PCDH15: variants seen among roughly 807,000 people sequenced by gnomAD.
PCDH15 encodes the protein protocadherin related 15, also known as protocadherin-15.
In PCDH15, 129 loss-of-function variants were observed where a neutral mutation model predicts 178.5. That is an observed-to-expected ratio of 0.72 (90% confidence interval 0.63 to 0.84). The LOEUF (loss-of-function observed/expected upper bound fraction) is 0.84, where lower values mean the gene tolerates loss of function less well. PCDH15 is among the 40% of genes least tolerant of loss of function. The pLI, the probability that PCDH15 is intolerant of heterozygous loss-of-function variation, is 0.00. For missense variants in PCDH15, 2,230 were observed against 2,099.9 expected (o/e 1.06, Z -1.21); for synonymous variants, 800 against 732.0 (o/e 1.09, Z -1.50).
chr10:53,973,357 G>A (rs2089919200), intron 21 of PCDH15, among the ~76,000 whole-genome samples: 1 of 151,402 alleles, frequency 6.6e-6, no homozygotes, highest in Non-Finnish European at 1.5e-5. Context: ...GAGTTAATGG[G>A]TGCAGCACAC....
intron 21 of PCDH15, among the ~76,000 whole-genome samples, chr10:53,979,957 G>A (rs551218787): frequency 3.3e-5 from 5 of 152,278 alleles, no homozygotes; most frequent in Non-Finnish European, 5.9e-5. Flanking sequence ...GGCGGCTCAC[G>A]CCTGTAATCC....
chr10:54,170,604 T>C (rs1288868336), intron 13 of PCDH15, among the ~76,000 whole-genome samples: 1 of 151,408 alleles, frequency 6.6e-6, no homozygotes, highest in African/African-American at 2.5e-5. Flanking sequence ...GACCCAGACT[T>C]CAATCCGGCC....
chr10:54,158,890 G>C (rs185139339), intron 13 of PCDH15, among the ~76,000 whole-genome samples: 1 of 152,032 alleles, frequency 6.6e-6, no homozygotes, highest in African/African-American at 2.4e-5. Flanking sequence ...GGCAGATCAC[G>C]AGGTCAGGAG....
rs141419177 is a variant in PCDH15, at chr10:53,961,783, T to C, written c.2978A>G (p.Asn993Ser). 3.0e-5 allele frequency: 48 copies of C among 1,609,674 alleles called. No individual in the cohort carries two copies. Among genetic ancestry groups the C allele is most frequent in the East Asian group, 6.7e-5 (3 of 44,622 alleles). ...EDSGRVITRV[N>S]LNEEPTTIFK... ...AATTGTTGTAGGTTCTTCATTAAGA[T>C]TGACTCGTGTTATTACTCTTCCAGA... The change falls in exon 22 of 38, where the codon AAT (asparagine) becomes AGT (serine). Residue 993 changes from asparagine to serine, a missense_variant. Coordinates refer to ENST00000644397, the MANE Select transcript of PCDH15 (RefSeq NM_001384140.1).
chr10:53,860,064 C>G (rs1277461146), intron 27 of PCDH15, among the ~76,000 whole-genome samples: 1 of 152,128 alleles, frequency 6.6e-6, no homozygotes, highest in Non-Finnish European at 1.5e-5. Flanking sequence ...CTGTATTTTT[C>G]CATCATCTAT....
At chr10:55,033,515 T>C (rs1840661567) in intron 2 of PCDH15, among the ~76,000 whole-genome samples, 1 of 151,996 alleles carries the variant, frequency 6.6e-6, no homozygotes, top group East Asian at 1.9e-4. Flanking sequence ...TGCCTACTTC[T>C]CCCCTTTGGA....
rs1231984925 is a variant in PCDH15 at position 54,853,316 on chromosome 10, T to TACACACATATACACATATAC, written c.-29+44133_-29+44134insGTATATGTGTATATGTGTGT. ...ATATATATATATATATATATATATATATACATACACACACATATACATATA... is the reference window on the plus strand; with the variant it reads ...ATATATATATATATATATATATATATACACACATATACACATATACATACATACACACACATATACATATA... On this transcript the variant is annotated intron_variant, in intron 3 of 5. Transcript: ENST00000458638. 3.3e-4 allele frequency among the ~76,000 whole-genome samples: 38 copies of TACACACATATACACATATAC among 115,132 alleles called. 1 individual carries two copies. Among genetic ancestry groups the TACACACATATACACATATAC allele is most frequent in the Admixed American group, 3.3e-3 (30 of 9,102 alleles). 75.5% of individuals were successfully genotyped at this position (115,132 alleles called of 152,430 possible).
chr10:54,209,938 C>A (rs2051232744), intron 10 of PCDH15, among the ~76,000 whole-genome samples: 1 of 152,066 alleles, frequency 6.6e-6, no homozygotes, highest in South Asian at 2.1e-4. Context: ...CTCCTCTTAG[C>A]CCTCAATCAT....
At chr10:55,344,280 A>G (rs12569638) in intron 2 of PCDH15, among the ~76,000 whole-genome samples, 26,770 of 152,082 alleles carry the variant, frequency 0.18, 2,468 homozygotes, top group South Asian at 0.24. Flanking sequence ...AGAGTTATAT[A>G]GATAGCCGTT....
At chr10:53,871,230 A>G (rs1178576572) in intron 26 of PCDH15, among the ~76,000 whole-genome samples, 1 of 151,566 alleles carries the variant, frequency 6.6e-6, no homozygotes, top group Non-Finnish European at 1.5e-5. Context: ...AGTCCCAGCT[A>G]CTCGGGAGGC....
At chr10:54,314,738 T>G (rs1011078809) in intron 8 of PCDH15, among the ~76,000 whole-genome samples, 13 of 151,954 alleles carry the variant, frequency 8.6e-5, no homozygotes, top group African/African-American at 3.1e-4. Context: ...TTCCTTCTGT[T>G]CATGAGTTCT....
At chr10:55,239,236 C>T (rs1166161625) in intron 1 of PCDH15, among the ~76,000 whole-genome samples, 2 of 152,076 alleles carry the variant, frequency 1.3e-5, no homozygotes, top group Non-Finnish European at 2.9e-5. Context: ...AATATGTATA[C>T]GTACAACATT....
intron 2 of PCDH15, among the ~76,000 whole-genome samples, chr10:54,625,629 T>C (rs901933538): frequency 2.0e-5 from 3 of 152,200 alleles, no homozygotes; most frequent in African/African-American, 7.2e-5. Context: ...TCCACCATGA[T>C]TGTGAGGCTT....
intron 3 of PCDH15, among the ~76,000 whole-genome samples, chr10:54,468,121 G>A (rs1261182726): frequency 6.6e-6 from 1 of 151,420 alleles, no homozygotes; most frequent in African/African-American, 2.4e-5. Context: ...TTGTTTTGTT[G>A]ACCCTTTGTA....
At chr10:55,448,999 T>C (rs540821576) in intron 2 of PCDH15, among the ~76,000 whole-genome samples, 2 of 152,208 alleles carry the variant, frequency 1.3e-5, no homozygotes, top group East Asian at 3.9e-4. Flanking sequence ...TCATACTTTA[T>C]ATTTAATCCC....
chr10:55,117,043 A>C lies in PCDH15; in HGVS notation c.-80+49533T>G, dbSNP rs1837643883. Among the ~76,000 whole-genome samples, 3 of 152,322 alleles carry C rather than the reference A, an allele frequency of 2.0e-5. 1 individual carries two copies. The Middle Eastern group carries it at 0.01, about 518-fold the overall frequency. On this transcript the variant is annotated intron_variant, in intron 2 of 5. Coordinates refer to the PCDH15 transcript ENST00000458638. ...AACTATCAAATTCTTCATCAAACTT[A>C]GCATAAAAATACACAGTTTTCCCTG...
At chr10:55,597,765 T>C (rs1277680218) in intron 2 of PCDH15, among the ~76,000 whole-genome samples, 1 of 152,186 alleles carries the variant, frequency 6.6e-6, no homozygotes, top group Non-Finnish European at 1.5e-5. Context: ...AACAAGATTC[T>C]ACCCTGACAT....
rs188986422 is a variant in PCDH15 at position 54,614,853 on chromosome 10, T to C, written c.91+49319A>G. ...TTACCTCTTCCTTGAATCTATATTT[T>C]TAATCTAGAGTTTCTAATAGTTGTG... On this transcript the variant is annotated intron_variant, in intron 2 of 37. Coordinates refer to ENST00000644397, the MANE Select transcript of PCDH15 (RefSeq NM_001384140.1). Among the ~76,000 whole-genome samples, 864 of 152,124 alleles carry C rather than the reference T, an allele frequency of 5.7e-3. 2 individuals are homozygous for C. The highest frequency in any genetic ancestry group is 8.3e-3 in the Admixed American group (126 of 15,226).
At chr10:53,937,675 G>A (rs541301089) in intron 25 of PCDH15, among the ~76,000 whole-genome samples, 1 of 152,252 alleles carries the variant, frequency 6.6e-6, no homozygotes. Context: ...ATCAGTAAAT[G>A]AGGTTCACGA....
Sources: allele counts gnomAD v4.1 joint callset (sites outside exome capture counted in the v4.1 genomes callset), GRCh38; gene constraint gnomAD v4.1.1; transcripts MANE v1.5; gene names NCBI Gene and HGNC (gene_info 2026-07-23, HGNC 2026-07-21).